The following MAGI2 variants were observed in gnomAD, a reference collection of about 807,000 sequenced individuals.
MAGI2 encodes membrane associated guanylate kinase, WW and PDZ domain containing 2.
In MAGI2, 35 loss-of-function variants were observed where a neutral mutation model predicts 133.3. The observed-to-expected ratio is 0.26, with a 90% CI of 0.20 to 0.35. The LOEUF (loss-of-function observed/expected upper bound fraction) is 0.35. Ranked by LOEUF, MAGI2 falls within the 10% of genes least tolerant of loss-of-function variation. MAGI2 has a pLI of 1.00. For synonymous variants in MAGI2, 729 were observed against 710.6 expected, an observed-to-expected ratio of 1.03 and a Z score of -0.41; for missense variants, 1,636 against 1,863.4, an observed-to-expected ratio of 0.88 and a Z score of 2.25.
chr7:79,102,552 C>T (rs1367575927), intron 1 of MAGI2, among the ~76,000 whole-genome samples: 1 of 152,064 alleles, frequency 6.6e-6, no homozygotes, highest in African/African-American at 2.4e-5. Flanking sequence ...TGATTAAAAT[C>T]ATGTTAAATT....
At chr7:78,202,902 C>T (rs1215041605) in intron 10 of MAGI2, among the ~76,000 whole-genome samples, 5 of 151,984 alleles carry the variant, frequency 3.3e-5, no homozygotes, top group Admixed American at 1.3e-4. Context: ...AGGATTTAAT[C>T]GCATCCTTTT....
intron 21 of MAGI2, among the ~76,000 whole-genome samples, chr7:78,069,830 G>A (rs865818254): frequency 2.0e-5 from 3 of 151,890 alleles, no homozygotes; most frequent in African/African-American, 4.8e-5. Context: ...GCCCTCTTGC[G>A]GGAGAGCTCA....
chr7:79,275,533 A>G (rs989111317), intron 1 of MAGI2, among the ~76,000 whole-genome samples: 1 of 152,200 alleles, frequency 6.6e-6, no homozygotes, highest in Non-Finnish European at 1.5e-5. Context: ...GCTAATGTGA[A>G]GCTGCAGCAA....
chr7:78,748,630 CATT>C (rs1823155550), intron 2 of MAGI2, among the ~76,000 whole-genome samples: 1 of 152,024 alleles, frequency 6.6e-6, no homozygotes, highest in Non-Finnish European at 1.5e-5. Context: ...CTGGACATGA[CATT>C]AGTTTGTGAA....
At chr7:79,083,303 ATTT>A (rs35248312) in intron 1 of MAGI2, among the ~76,000 whole-genome samples, 1,578 of 142,120 alleles carry the variant, frequency 0.011, 10 homozygotes, top group Admixed American at 0.022. Flanking sequence ...GTATGATGTT[ATTT>A]TTTTTTTTTT....
At chr7:78,093,698 C>A (rs914496847) in intron 20 of MAGI2, among the ~76,000 whole-genome samples, 2 of 152,156 alleles carry the variant, frequency 1.3e-5, no homozygotes, top group Admixed American at 6.5e-5. Flanking sequence ...ATCATACGTT[C>A]TAACTAGACT....
At chr7:79,425,100 A>T (rs535291253) in intron 1 of MAGI2, among the ~76,000 whole-genome samples, 2 of 151,968 alleles carry the variant, frequency 1.3e-5, no homozygotes, top group Non-Finnish European at 2.9e-5. Flanking sequence ...ATAGAAAAAA[A>T]ATTAGCTGGG....
At chr7:78,401,067 GAA>G (rs143961196) in intron 6 of MAGI2, among the ~76,000 whole-genome samples, 39,595 of 146,568 alleles carry the variant, frequency 0.27, 5,661 homozygotes, top group Middle Eastern at 0.36. Flanking sequence ...CCATTCCTTT[GAA>G]AAAAAAAATA....
At chr7:78,742,815 C>T (rs987818474) in intron 2 of MAGI2, among the ~76,000 whole-genome samples, 3 of 152,116 alleles carry the variant, frequency 2.0e-5, no homozygotes, top group Non-Finnish European at 4.4e-5. Flanking sequence ...CTAGAAAAAT[C>T]GATTCAGCTT....
intron 1 of MAGI2, among the ~76,000 whole-genome samples, chr7:79,335,950 G>T (rs779404134): frequency 1.3e-5 from 2 of 151,750 alleles, no homozygotes; most frequent in African/African-American, 2.4e-5. Flanking sequence ...TCTTATTTGG[G>T]GGCCTCACCT....
At chr7:78,954,179 A>C (rs1802102207) in intron 2 of MAGI2, among the ~76,000 whole-genome samples, 1 of 152,112 alleles carries the variant, frequency 6.6e-6, no homozygotes, top group East Asian at 1.9e-4. Flanking sequence ...TCTTTCCTCA[A>C]GCTTACAGAC....
rs181973149 is a variant in MAGI2, at chr7:79,346,649, T to C, written c.301+106371A>G. Among the ~76,000 whole-genome samples the C allele has an allele frequency of 1.2e-3, 179 of 152,068 alleles. 1 individual carries two copies. Among genetic ancestry groups the C allele is most frequent in the Non-Finnish European group, 2.1e-3 (140 of 67,878 alleles). ...CTCTCAACAAAGTCTGTGCTTCTGG[T>C]AGTATATTTATCTTATGGTTTGCTG... On this transcript the variant is annotated intron_variant, in intron 1 of 21. Transcript: ENST00000354212.
chr7:79,107,626 A>C (rs995814129), intron 1 of MAGI2, among the ~76,000 whole-genome samples: 6 of 152,220 alleles, frequency 3.9e-5, no homozygotes, highest in African/African-American at 1.4e-4. Flanking sequence ...CATAATTGTT[A>C]AGGGTGATAC....
rs188649736 is a variant in MAGI2, at chr7:79,061,699, G to A, written c.302-54493C>T. Among the ~76,000 whole-genome samples the A allele has an allele frequency of 5.4e-4, 82 of 152,162 alleles. 1 individual carries two copies. In the East Asian group the frequency reaches 0.014, roughly 26 times the overall value. On this transcript the variant is annotated intron_variant, in intron 1 of 21. Coordinates refer to ENST00000354212, the MANE Select transcript of MAGI2 (RefSeq NM_012301.4). ...CAATAACAGTAGATCGAAAATGACT[G>A]CTACTGCAGTAAAGAGAAGAAATTC...
chr7:78,106,076 T>C (rs1456510293), intron 20 of MAGI2, among the ~76,000 whole-genome samples: 3 of 152,270 alleles, frequency 2.0e-5, no homozygotes, highest in African/African-American at 7.2e-5. Context: ...TCAATTGTTT[T>C]AATTTTTAGC....
rs188553578 is a variant in MAGI2 at position 78,889,527 on chromosome 7, C to A, written c.418+117563G>T. Among the ~76,000 whole-genome samples the A allele has an allele frequency of 7.7e-4, 117 of 152,324 alleles. 1 individual carries two copies. The East Asian group carries it at 0.021, about 27-fold the overall frequency. Reference sequence around the variant, plus strand: ...GAAGCCCATCAGACTAACAGTGGATCTCTCAGCAGAAACTCTACAAGCCAG... The same window carrying A: ...GAAGCCCATCAGACTAACAGTGGATATCTCAGCAGAAACTCTACAAGCCAG... On this transcript the variant is annotated intron_variant, in intron 2 of 21. Coordinates refer to ENST00000354212, the MANE Select transcript of MAGI2 (RefSeq NM_012301.4).
At chr7:78,648,242 T>C (rs762078528) in intron 2 of MAGI2, among the ~76,000 whole-genome samples, 4 of 152,204 alleles carry the variant, frequency 2.6e-5, no homozygotes, top group Admixed American at 6.5e-5. Flanking sequence ...AATTCTGTCA[T>C]GGTTCCCAAC....
At position 78,766,869 on chromosome 7, in the gene MAGI2, G is replaced by A. The variant is rs187118392; in HGVS notation, c.419-139630C>T. ...TGAGAACTAGGGAAAAAAACTAACC[G>A]TCCTACTGTTGACTTTGTGTATTTT... On this transcript the variant is annotated intron_variant, in intron 2 of 21. Transcript: ENST00000354212. Among the ~76,000 whole-genome samples the A allele has an allele frequency of 5.9e-5, 9 of 152,222 alleles. 1 individual carries two copies. Among genetic ancestry groups the A allele is most frequent in the African/African-American group, 7.2e-5 (3 of 41,530 alleles).
At chr7:78,397,368 C>CACACACACACACAA (rs747247203) in intron 6 of MAGI2, among the ~76,000 whole-genome samples, 1 of 81,026 alleles carries the variant, frequency 1.2e-5, no homozygotes, top group Non-Finnish European at 2.8e-5. Flanking sequence ...GAAATTCCTA[C>CACACACACACACAA]ACACACACAC....
Sources: allele counts gnomAD v4.1 joint callset (sites outside exome capture counted in the v4.1 genomes callset), GRCh38; gene constraint gnomAD v4.1.1; transcripts MANE v1.5; gene names NCBI Gene and HGNC (gene_info 2026-07-23, HGNC 2026-07-21).